The following CTNNA3 variants were observed in gnomAD, a reference collection of about 807,000 sequenced individuals.
The protein encoded by CTNNA3 is catenin alpha 3.
In CTNNA3, 76 loss-of-function variants were observed where a neutral mutation model predicts 95.7. The observed-to-expected ratio is 0.79, with a 90% CI of 0.66 to 0.96. The LOEUF is 0.96. Among genes scored for constraint, CTNNA3 ranks in the 40% least tolerant of loss-of-function variants. The probability of loss-of-function intolerance (pLI) is 0.00; values close to 1 mark genes in which losing one functional copy is unlikely to be tolerated. For missense variants in CTNNA3, 1,191 were observed against 1,089.8 expected, an observed-to-expected ratio of 1.09 and a Z score of -1.31; for synonymous variants, 431 against 374.4, an observed-to-expected ratio of 1.15 and a Z score of -1.74.
intron 5 of CTNNA3, among the ~76,000 whole-genome samples, chr10:67,504,019 T>C (rs1839330919): frequency 2.0e-5 from 3 of 147,710 alleles, no homozygotes; most frequent in South Asian, 4.3e-4. Flanking sequence ...CAGCTGGGCA[T>C]GGTGGTGGGT....
chr10:66,483,912 A>C (rs1839632803), intron 11 of CTNNA3, among the ~76,000 whole-genome samples: 1 of 152,150 alleles, frequency 6.6e-6, no homozygotes, highest in African/African-American at 2.4e-5. Flanking sequence ...TGAAAAAGTC[A>C]CTATGATATT....
intron 5 of CTNNA3, among the ~76,000 whole-genome samples, chr10:67,259,400 T>C (rs1444474792): frequency 2.0e-5 from 3 of 151,990 alleles, no homozygotes; most frequent in African/African-American, 4.8e-5. Context: ...TGAAGTTATA[T>C]AATGCAAAAA....
intron 5 of CTNNA3, among the ~76,000 whole-genome samples, chr10:67,518,355 G>A (rs906688194): frequency 6.6e-6 from 1 of 152,168 alleles, no homozygotes; most frequent in Admixed American, 6.6e-5. Flanking sequence ...ATTTAAGTAT[G>A]TAAAATGAAA....
intron 11 of CTNNA3, among the ~76,000 whole-genome samples, chr10:66,504,874 ATTGT>A (rs1479701868): frequency 3.9e-5 from 6 of 152,172 alleles, no homozygotes; most frequent in Non-Finnish European, 7.3e-5. Flanking sequence ...TTCTAAGCAA[ATTGT>A]TTATAAACAG....
intron 9 of CTNNA3, among the ~76,000 whole-genome samples, chr10:66,700,206 TATG>T (rs1302365075): frequency 6.6e-6 from 1 of 152,146 alleles, no homozygotes; most frequent in Non-Finnish European, 1.5e-5. Context: ...AAAATATCAT[TATG>T]AAGGACAATA....
intron 11 of CTNNA3, among the ~76,000 whole-genome samples, chr10:66,399,405 ATAT>A (rs1165498254): frequency 6.6e-6 from 1 of 151,948 alleles, no homozygotes; most frequent in East Asian, 1.9e-4. Context: ...GAGATATATA[ATAT>A]TATAGCCTGA....
intron 7 of CTNNA3, among the ~76,000 whole-genome samples, chr10:67,041,880 T>C (rs2133148724): frequency 6.6e-6 from 1 of 152,220 alleles, no homozygotes; most frequent in Non-Finnish European, 1.5e-5. Context: ...TGATTCATTC[T>C]CCCCCTGTGG....
chr10:67,738,175 G>A (rs1290579953), intron 1 of CTNNA3, among the ~76,000 whole-genome samples: 43 of 152,156 alleles, frequency 2.8e-4, no homozygotes, highest in Non-Finnish European at 1.5e-5. Context: ...ACCAGGAGGG[G>A]CCGAAAGACA....
At chr10:67,332,804 T>C (rs1841848242) in intron 5 of CTNNA3, among the ~76,000 whole-genome samples, 2 of 152,320 alleles carry the variant, frequency 1.3e-5, no homozygotes, top group East Asian at 3.9e-4. Context: ...AACTGTTTTA[T>C]GAAAGCTTGC....
At chr10:66,869,861 G>A (rs1476731207) in intron 7 of CTNNA3, among the ~76,000 whole-genome samples, 1 of 152,132 alleles carries the variant, frequency 6.6e-6, no homozygotes, top group Non-Finnish European at 1.5e-5. Context: ...AATGTTAGAA[G>A]TGTCAGGAAC....
intron 11 of CTNNA3, among the ~76,000 whole-genome samples, chr10:66,479,351 C>T (rs1839434500): frequency 6.6e-6 from 1 of 151,946 alleles, no homozygotes; most frequent in South Asian, 2.1e-4. Flanking sequence ...TATTGTTCTA[C>T]CTCAAGAGAT....
intron 5 of CTNNA3, among the ~76,000 whole-genome samples, chr10:67,247,148 C>T (rs574379777): frequency 5.3e-4 from 81 of 152,130 alleles, no homozygotes; most frequent in Admixed American, 2.0e-3. Context: ...TAGTTCTAGT[C>T]AAATAATTTA....
chr10:66,663,193 C>T (rs770459012), intron 9 of CTNNA3, among the ~76,000 whole-genome samples: 58 of 152,166 alleles, frequency 3.8e-4, no homozygotes, highest in Non-Finnish European at 6.8e-4. Context: ...GATCATGTTA[C>T]TTCTCCATCT....
rs182543130 is a variant in CTNNA3 at position 67,398,861 on chromosome 10, G to A, written c.579+122981C>T. 4.0e-3 allele frequency among the ~76,000 whole-genome samples: 603 copies of A among 152,196 alleles called. 2 individuals are homozygous for A. The highest frequency in any genetic ancestry group is 0.017 in the Middle Eastern group (5 of 294). ...TGGCACTCCTCCTTCCTGTCTCCAC[G>A]TGAAGAAGGACATGTTTACTTCCCC... On this transcript the variant is annotated intron_variant, in intron 5 of 17. Transcript: ENST00000433211.
At chr10:66,328,508 C>T (rs2132309233) in intron 12 of CTNNA3, among the ~76,000 whole-genome samples, 1 of 151,972 alleles carries the variant, frequency 6.6e-6, no homozygotes, top group East Asian at 1.9e-4. Flanking sequence ...AAAATTCTCA[C>T]TTTTCCTTCT....
intron 5 of CTNNA3, among the ~76,000 whole-genome samples, chr10:67,413,950 T>C (rs760023364): frequency 6.6e-6 from 1 of 152,002 alleles, no homozygotes; most frequent in Non-Finnish European, 1.5e-5. Flanking sequence ...AAGAGGAAAA[T>C]TAATAGTCCT....
chr10:66,685,228 T>TAC (rs1847222153), intron 9 of CTNNA3, among the ~76,000 whole-genome samples: 1 of 142,106 alleles, frequency 7.0e-6, no homozygotes, highest in Non-Finnish European at 1.5e-5. Flanking sequence ...TGTATATATA[T>TAC]ACGTATATAT....
At chr10:66,577,070 C>T in intron 10 of CTNNA3, among the ~76,000 whole-genome samples, 1 of 149,480 alleles carries the variant, frequency 6.7e-6, no homozygotes, top group Non-Finnish European at 1.5e-5. Flanking sequence ...TTTAATTTCT[C>T]TAGTGATTAG....
intron 11 of CTNNA3, among the ~76,000 whole-genome samples, chr10:66,457,197 C>T (rs1834264882): frequency 6.6e-6 from 1 of 152,036 alleles, no homozygotes; most frequent in Non-Finnish European, 1.5e-5. Flanking sequence ...AATTTAAAAA[C>T]AGATCAGTTA....
Sources: gnomAD v4.1 joint callset for allele counts (sites outside exome capture counted in the v4.1 genomes callset) on GRCh38, gnomAD v4.1.1 for gene constraint, MANE v1.5 for transcripts, NCBI Gene and HGNC (gene_info 2026-07-23, HGNC 2026-07-21) for gene names.